KCNMA1: variants seen among roughly 807,000 people sequenced by gnomAD.
KCNMA1 encodes the protein Calcium-activated potassium channel subunit alpha-1.
KCNMA1 carries 29 observed loss-of-function variants against 140.0 expected under a neutral mutation model. The observed-to-expected ratio is 0.21, with a 90% CI of 0.15 to 0.28. The LOEUF is 0.28. KCNMA1 is among the 10% of genes least tolerant of loss of function. The probability of loss-of-function intolerance (pLI) is 1.00; values close to 1 mark genes in which losing one functional copy is unlikely to be tolerated. For missense variants in KCNMA1, 880 were observed against 1,602.2 expected, an observed-to-expected ratio of 0.55 and a Z score of 7.70; for synonymous variants, 612 against 611.9, an observed-to-expected ratio of 1.00 and a Z score of 0.00.
In KCNMA1 at chr10:76,918,893, T is replaced by TAC. The variant is rs1241703406; in HGVS notation, c.2903-3846_2903-3845dup. Reference sequence around the variant, plus strand: ...AGAAACTGTGAGATATATATATATATACACACACACATATATATATCACAT... The same window carrying TAC: ...AGAAACTGTGAGATATATATATATATACACACACACACATATATATATCACAT... On this transcript the variant is annotated intron_variant, in intron 23 of 27. Transcript: ENST00000286628. 3.4e-5 allele frequency among the ~76,000 whole-genome samples: 5 copies of TAC among 149,082 alleles called. 1 individual carries two copies. The highest frequency in any genetic ancestry group is 4.3e-4 in the South Asian group (2 of 4,654).
intron 1 of KCNMA1, among the ~76,000 whole-genome samples, chr10:77,438,151 G>A (rs1378975987): frequency 6.6e-6 from 1 of 152,020 alleles, no homozygotes; most frequent in African/African-American, 2.4e-5. Flanking sequence ...TTAGACTCCT[G>A]GGCTCAAAGT....
chr10:77,299,011 T>G (rs944152757), intron 2 of KCNMA1, among the ~76,000 whole-genome samples: 1 of 152,240 alleles, frequency 6.6e-6, no homozygotes, highest in African/African-American at 2.4e-5. Context: ...TTTGTTGTTG[T>G]TGTGTTTCCA....
chr10:77,401,255 C>T (rs530614679), intron 2 of KCNMA1, among the ~76,000 whole-genome samples: 3 of 152,162 alleles, frequency 2.0e-5, no homozygotes, highest in Admixed American at 6.5e-5. Context: ...CTCCTGGGTC[C>T]GTGCCATTAT....
At chr10:77,324,078 CAA>C (rs1445396513) in intron 2 of KCNMA1, among the ~76,000 whole-genome samples, 1 of 152,138 alleles carries the variant, frequency 6.6e-6, no homozygotes, top group Non-Finnish European at 1.5e-5. Context: ...GGCACAGAAG[CAA>C]AAGAGTGTTT....
chr10:77,274,720 C>T (rs1367672174), intron 2 of KCNMA1, among the ~76,000 whole-genome samples: 2 of 152,198 alleles, frequency 1.3e-5, no homozygotes, highest in African/African-American at 2.4e-5. Context: ...CCCAGAGACA[C>T]AGAAGGGAGG....
At chr10:77,097,290 C>A (rs1318072925) in intron 9 of KCNMA1, among the ~76,000 whole-genome samples, 1 of 152,212 alleles carries the variant, frequency 6.6e-6, no homozygotes, top group East Asian at 1.9e-4. Context: ...CCCACTTCCT[C>A]CTTTACTGAA....
At chr10:77,444,037 T>C (rs2097470616) in intron 1 of KCNMA1, among the ~76,000 whole-genome samples, 1 of 152,144 alleles carries the variant, frequency 6.6e-6, no homozygotes, top group Non-Finnish European at 1.5e-5. Flanking sequence ...TTATTATTTA[T>C]CAGTAAAAAT....
intron 18 of KCNMA1, among the ~76,000 whole-genome samples, chr10:77,002,526 A>T (rs1164580255): frequency 6.6e-6 from 1 of 152,196 alleles, no homozygotes; most frequent in African/African-American, 2.4e-5. Flanking sequence ...CTGACAAAAC[A>T]TGAAATAGAA....
At chr10:77,441,875 G>C (rs1182624468) in intron 1 of KCNMA1, among the ~76,000 whole-genome samples, 2 of 151,856 alleles carry the variant, frequency 1.3e-5, no homozygotes, top group African/African-American at 2.4e-5. Context: ...CAAACAAAGA[G>C]AGGGTCCCTA....
intron 2 of KCNMA1, among the ~76,000 whole-genome samples, chr10:77,376,960 C>CATACATACATAT (rs1488909266): frequency 1.3e-5 from 2 of 151,868 alleles, no homozygotes; most frequent in Non-Finnish European, 2.9e-5. Flanking sequence ...TACATACATA[C>CATACATACATAT]ATACATACAT....
rs187759538 is a variant in KCNMA1, at chr10:77,471,743, G to A, written c.379-67720C>T. Among the ~76,000 whole-genome samples the A allele has an allele frequency of 3.4e-3, 480 of 143,238 alleles. 1 individual carries two copies. Among genetic ancestry groups the A allele is most frequent in the Middle Eastern group, 0.021 (5 of 234 alleles). The allele number at this position is 143,238 out of a possible 152,430, so 94.0% of individuals were successfully genotyped here. A position where few individuals can be genotyped will look rare whatever the true frequency, so the allele number is the denominator to read the frequency against. ...ACATACACACATAACACACATACAC[G>A]CATTGTCCACACACCATCCACGTAC... On this transcript the variant is annotated intron_variant, in intron 1 of 27. Coordinates refer to ENST00000286628, the MANE Select transcript of KCNMA1 (RefSeq NM_001161352.2).
intron 1 of KCNMA1, among the ~76,000 whole-genome samples, chr10:77,540,270 G>C (rs1187866376): frequency 6.6e-6 from 1 of 152,204 alleles, no homozygotes; most frequent in African/African-American, 2.4e-5. Context: ...CAAAGCTGGG[G>C]TGTTTTAAAA....
intron 9 of KCNMA1, among the ~76,000 whole-genome samples, chr10:77,097,182 G>C (rs1013637464): frequency 2.6e-5 from 4 of 152,168 alleles, no homozygotes; most frequent in Admixed American, 6.6e-5. Context: ...AGGTTTCCCT[G>C]ATTTGGGGCA....
chr10:77,597,646 C>T (rs1437246277), intron 1 of KCNMA1, among the ~76,000 whole-genome samples: 1 of 152,190 alleles, frequency 6.6e-6, no homozygotes, highest in African/African-American at 2.4e-5. Context: ...TCCTCCAATT[C>T]CTTCCCCTCC....
intron 3 of KCNMA1, among the ~76,000 whole-genome samples, chr10:77,210,447 C>CTG (rs1169899930): frequency 1.3e-5 from 2 of 152,106 alleles, no homozygotes; most frequent in Non-Finnish European, 2.9e-5. Flanking sequence ...GACAAACCCA[C>CTG]AACCAACATT....
chr10:77,447,141 G>A (rs2154516973), intron 1 of KCNMA1, among the ~76,000 whole-genome samples: 1 of 152,346 alleles, frequency 6.6e-6, no homozygotes, highest in East Asian at 1.9e-4. Flanking sequence ...CACCCTTCCT[G>A]GGACAGCCTG....
At chr10:77,223,561 G>C (rs1201880362) in intron 3 of KCNMA1, among the ~76,000 whole-genome samples, 1 of 152,214 alleles carries the variant, frequency 6.6e-6, no homozygotes, top group Non-Finnish European at 1.5e-5. Flanking sequence ...CATACAGACA[G>C]ACATGGTGAC....
At chr10:77,479,218 G>A (rs1029347618) in intron 1 of KCNMA1, among the ~76,000 whole-genome samples, 4 of 152,220 alleles carry the variant, frequency 2.6e-5, no homozygotes, top group Non-Finnish European at 4.4e-5. Flanking sequence ...GATTTGGAAA[G>A]AGACAGAGAT....
At chr10:77,538,114 TCACA>T (rs879818817) in intron 1 of KCNMA1, among the ~76,000 whole-genome samples, 3 of 150,286 alleles carry the variant, frequency 2.0e-5, no homozygotes, top group South Asian at 2.1e-4. Context: ...CTACACACAC[TCACA>T]CACACCCACA....
Sources: allele counts gnomAD v4.1 joint callset (sites outside exome capture counted in the v4.1 genomes callset), GRCh38; gene constraint gnomAD v4.1.1; transcripts MANE v1.5; gene names NCBI Gene and HGNC (gene_info 2026-07-23, HGNC 2026-07-21).